Variants in FSTL5 observed in about 807,000 individuals in gnomAD.
FSTL5 encodes the protein follistatin like 5.
In FSTL5, 62 loss-of-function variants were observed where a neutral mutation model predicts 89.1. That is an observed-to-expected ratio of 0.70 (90% CI 0.57 to 0.86). FSTL5 has a LOEUF of 0.86. FSTL5 is among the 40% of genes least tolerant of loss of function. The pLI is 0.00. For synonymous variants in FSTL5, 383 were observed against 346.2 expected (o/e 1.11, Z -1.18); for missense variants, 1,057 against 1,001.6 (o/e 1.06, Z -0.75).
chr4:161,586,034 T>C (rs946161190), intron 8 of FSTL5, among the ~76,000 whole-genome samples: 3 of 152,164 alleles, frequency 2.0e-5, no homozygotes, highest in Non-Finnish European at 4.4e-5. Flanking sequence ...GCGTCAACAA[T>C]AGTCAAATCA....
intron 2 of FSTL5, among the ~76,000 whole-genome samples, chr4:162,090,842 A>G (rs924748322): frequency 6.6e-6 from 1 of 151,868 alleles, no homozygotes; most frequent in Non-Finnish European, 1.5e-5. Context: ...ACCATCTCAC[A>G]CCAGTATTAA....
chr4:161,807,113 AT>A (rs11294946), intron 4 of FSTL5, among the ~76,000 whole-genome samples: 111,320 of 151,416 alleles, frequency 0.74, 40,974 homozygotes, highest in Admixed American at 0.76. Flanking sequence ...CAGGTTGGTC[AT>A]TTTTTTCAAA....
chr4:161,631,078 A>G (rs778855304), intron 7 of FSTL5, among the ~76,000 whole-genome samples: 40 of 152,090 alleles, frequency 2.6e-4, no homozygotes, highest in Non-Finnish European at 5.3e-4. Flanking sequence ...ATTTTTTTGT[A>G]TTGATTTAGG....
chr4:161,918,207 C>T (rs1301949112), intron 4 of FSTL5, among the ~76,000 whole-genome samples: 1 of 152,102 alleles, frequency 6.6e-6, no homozygotes, highest in East Asian at 1.9e-4. Context: ...GCCCAATGCA[C>T]ACTAATAAGA....
chr4:161,756,765 T>C (rs1189479650), intron 6 of FSTL5, among the ~76,000 whole-genome samples: 2 of 152,164 alleles, frequency 1.3e-5, no homozygotes, highest in African/African-American at 4.8e-5. Flanking sequence ...ATCATAAAAA[T>C]AACAGATTAC....
chr4:161,489,435 A>C (rs533740441), intron 12 of FSTL5, among the ~76,000 whole-genome samples: 1 of 152,348 alleles, frequency 6.6e-6, no homozygotes, highest in South Asian at 2.1e-4. Context: ...ATTGAAAGCC[A>C]ATATTAAAGC....
Position 161,435,783 on chromosome 4 carries a change from T to C in FSTL5, c.1841+19221A>G, listed in dbSNP as rs377612184. 3.9e-5 allele frequency among the ~76,000 whole-genome samples: 6 copies of C among 151,962 alleles called. No individual in the cohort carries two copies. The East Asian group carries it at 5.8e-4, about 15-fold the overall frequency. On this transcript the variant is annotated intron_variant, in intron 15 of 15. Coordinates refer to ENST00000306100, the MANE Select transcript of FSTL5 (RefSeq NM_020116.5). ...TGTAAAAGGAGTTGAGTCTTCATAA[T>C]AAGCAATCAAAACCAGATGGTCCCT... is the stretch of plus-strand genomic sequence containing the variant.
At chr4:161,555,714 G>A (rs976704588) in intron 8 of FSTL5, among the ~76,000 whole-genome samples, 1 of 151,518 alleles carries the variant, frequency 6.6e-6, no homozygotes, top group Non-Finnish European at 1.5e-5. Flanking sequence ...TGGACTAAAG[G>A]AAACACTCTC....
chr4:161,464,500 T>C (rs1467258402), intron 13 of FSTL5, among the ~76,000 whole-genome samples: 2 of 152,176 alleles, frequency 1.3e-5, no homozygotes, highest in Non-Finnish European at 2.9e-5. Flanking sequence ...TCCGCAGTTT[T>C]ACATTTTCCA....
chr4:161,829,283 T>G (rs1350670142), intron 4 of FSTL5, among the ~76,000 whole-genome samples: 1 of 150,628 alleles, frequency 6.6e-6, no homozygotes, highest in Non-Finnish European at 1.5e-5. Context: ...AGTTTTAATT[T>G]TAAGTAGCAA....
chr4:162,065,573 G>A (rs1008907168), intron 2 of FSTL5, among the ~76,000 whole-genome samples: 2 of 151,978 alleles, frequency 1.3e-5, no homozygotes, highest in Non-Finnish European at 2.9e-5. Context: ...GCAAGGGTAT[G>A]GAGAAAAGGG....
intron 8 of FSTL5, among the ~76,000 whole-genome samples, chr4:161,548,393 G>A (rs1560948193): frequency 6.6e-6 from 1 of 151,744 alleles, no homozygotes; most frequent in African/African-American, 2.4e-5. Context: ...AAAGAGGTGT[G>A]GTAGTTACAG....
chr4:161,699,371 G>T (rs1010718711), intron 6 of FSTL5, among the ~76,000 whole-genome samples: 2 of 152,102 alleles, frequency 1.3e-5, no homozygotes, highest in African/African-American at 4.8e-5. Flanking sequence ...CATTGAACAT[G>T]TGTTATCTTT....
In FSTL5 at chr4:162,038,633, G is replaced by A. The variant is rs565806765; in HGVS notation, c.127-4975C>T. On this transcript the variant is annotated intron_variant, in intron 2 of 15. Transcript: ENST00000306100. ...TGGGCTGAATGTGACCACACTAGGA[G>A]ATATTAAGGATATTTCTTTTCCAGT... 3.3e-5 allele frequency among the ~76,000 whole-genome samples: 5 copies of A among 151,862 alleles called. No homozygotes were observed. The East Asian group carries it at 5.8e-4, about 18-fold the overall frequency.
At chr4:161,683,994 G>A (rs1406161514) in intron 6 of FSTL5, among the ~76,000 whole-genome samples, 1 of 152,086 alleles carries the variant, frequency 6.6e-6, no homozygotes, top group Admixed American at 6.5e-5. Flanking sequence ...GAAAACATAC[G>A]ATGTTTGACT....
intron 12 of FSTL5, among the ~76,000 whole-genome samples, chr4:161,488,009 A>G (rs1729738973): frequency 6.6e-6 from 1 of 152,042 alleles, no homozygotes; most frequent in Non-Finnish European, 1.5e-5. Flanking sequence ...TATGCTAGAT[A>G]TAAAGTTCCC....
At chr4:161,931,757 G>T (rs898156148) in intron 3 of FSTL5, among the ~76,000 whole-genome samples, 1 of 151,936 alleles carries the variant, frequency 6.6e-6, no homozygotes, top group Non-Finnish European at 1.5e-5. Flanking sequence ...CATGTTTTCA[G>T]TCTTAATGTT....
At chr4:161,587,707 G>T in intron 7 of FSTL5, 132 bp from the exon 8 acceptor site, 1 of 618,904 alleles carries the variant, frequency 1.6e-6, no homozygotes, top group Non-Finnish European at 2.7e-6. Context: ...AATGAGCATT[G>T]TTGGGTGTAT....
chr4:161,389,975 C>T (rs1044585408), intron 15 of FSTL5, among the ~76,000 whole-genome samples: 1 of 152,092 alleles, frequency 6.6e-6, no homozygotes, highest in African/African-American at 2.4e-5. Context: ...TATAACTTTC[C>T]ATTCATGTAT....
Sources: allele counts gnomAD v4.1 joint callset (sites outside exome capture counted in the v4.1 genomes callset), GRCh38; gene constraint gnomAD v4.1.1; transcripts MANE v1.5; gene names NCBI Gene and HGNC (gene_info 2026-07-23, HGNC 2026-07-21).